TRHDE: variants seen among roughly 807,000 people sequenced by gnomAD.
TRHDE encodes thyrotropin-releasing hormone-degrading ectoenzyme.
A neutral mutation model predicts 125.7 loss-of-function variants in TRHDE; 72 were observed. The observed-to-expected ratio is 0.57, with a 90% CI of 0.47 to 0.70. The LOEUF (loss-of-function observed/expected upper bound fraction) is 0.70. TRHDE is among the 30% of genes least tolerant of loss of function. The pLI is 0.00. For synonymous variants in TRHDE, 509 were observed against 509.1 expected, an observed-to-expected ratio of 1.00 and a Z score of 0.00; for missense variants, 1,110 against 1,327.1, an observed-to-expected ratio of 0.84 and a Z score of 2.54.
At chr12:72,366,696 A>T (rs1306707376) in intron 2 of TRHDE, among the ~76,000 whole-genome samples, 1 of 151,840 alleles carries the variant, frequency 6.6e-6, no homozygotes, top group Non-Finnish European at 1.5e-5. Flanking sequence ...GGGCCCAAAA[A>T]CCCCCATAGT....
At chr12:72,272,149 A>G (rs1001996281), upstream of TRHDE, 1 of 457,232 alleles carries the variant, frequency 2.2e-6, no homozygotes, top group African/African-American at 2.0e-5. The surrounding 1 kb of genome is among the most constrained non-coding windows in gnomAD (Gnocchi z 6.7). Context: ...CACCCAGAGG[A>G]CCGAACGCCG....
At chr12:72,451,858 T>C (rs1408774892) in intron 3 of TRHDE, among the ~76,000 whole-genome samples, 1 of 152,176 alleles carries the variant, frequency 6.6e-6, no homozygotes, top group African/African-American at 2.4e-5. Flanking sequence ...AGATGGCATC[T>C]TGCTCTGTTG....
intron 2 of TRHDE, among the ~76,000 whole-genome samples, chr12:72,234,017 T>C (rs1177076654): frequency 6.6e-6 from 1 of 152,216 alleles, no homozygotes. Context: ...CAGGAGACCA[T>C]TTCTCTAAAG....
intron 3 of TRHDE, among the ~76,000 whole-genome samples, chr12:72,443,467 TTA>T (rs893146800): frequency 3.3e-5 from 5 of 151,840 alleles, no homozygotes; most frequent in South Asian, 2.1e-4. Context: ...AAGCAAGGAC[TTA>T]GATTGAGTAT....
intron 6 of TRHDE, among the ~76,000 whole-genome samples, chr12:72,514,114 C>T (rs572897264): frequency 2.0e-5 from 3 of 152,182 alleles, no homozygotes; most frequent in African/African-American, 7.2e-5. Context: ...TCCCCAGACA[C>T]CATACAGACA....
chr12:72,154,105 G>T (rs1344410915), intron 2 of TRHDE, among the ~76,000 whole-genome samples: 2 of 152,140 alleles, frequency 1.3e-5, no homozygotes, highest in South Asian at 4.1e-4. Context: ...ATATATTTAG[G>T]ATAGTTAGCT....
intron 12 of TRHDE, among the ~76,000 whole-genome samples, chr12:72,596,598 G>T (rs1044941647): frequency 6.6e-6 from 1 of 152,186 alleles, no homozygotes; most frequent in African/African-American, 2.4e-5. Context: ...GGCATGGTCA[G>T]TTCTGGATAG....
chr12:72,492,315 G>A (rs1169988194), intron 5 of TRHDE, among the ~76,000 whole-genome samples: 1 of 151,834 alleles, frequency 6.6e-6, no homozygotes, highest in Admixed American at 6.6e-5. Context: ...GGTAAATCTA[G>A]CTAACTTTCA....
chr12:72,640,076 G>C (rs532898597), intron 15 of TRHDE, among the ~76,000 whole-genome samples: 2 of 152,310 alleles, frequency 1.3e-5, no homozygotes, highest in East Asian at 3.9e-4. Flanking sequence ...AGCAAGCCTG[G>C]GCAATGGTGG....
intron 2 of TRHDE, among the ~76,000 whole-genome samples, chr12:72,366,949 A>G (rs1472235456): frequency 1.3e-5 from 2 of 152,100 alleles, no homozygotes; most frequent in African/African-American, 4.8e-5. Context: ...CATTATATGT[A>G]TCTGTGGTGC....
At chr12:72,570,767 T>C (rs1034343137) in intron 10 of TRHDE, among the ~76,000 whole-genome samples, 8 of 152,154 alleles carry the variant, frequency 5.3e-5, no homozygotes, top group Non-Finnish European at 1.2e-4. Context: ...GGTCCTAATA[T>C]ACAGCTGCAG....
At chr12:72,134,577 T>C (rs1875939038) in intron 2 of TRHDE, among the ~76,000 whole-genome samples, 1 of 151,416 alleles carries the variant, frequency 6.6e-6, no homozygotes, top group African/African-American at 2.4e-5. Flanking sequence ...GTATAGTATA[T>C]TTTTTTTTCT....
chr12:72,104,290 T>C (rs1318226319), intron 1 of TRHDE, among the ~76,000 whole-genome samples: 2 of 152,210 alleles, frequency 1.3e-5, no homozygotes, highest in Non-Finnish European at 2.9e-5. Flanking sequence ...TCCTTCCATG[T>C]GAGGGTCCGA....
chr12:72,399,232 G>C lies in TRHDE; in HGVS notation c.1315+21111G>C, dbSNP rs565935851. ...AAAACTGGTCCCCGAAGCCAAAAAG[G>C]CTGGGAACGTCTGCTTTAAGTATTA... is the stretch of plus-strand genomic sequence containing the variant. On this transcript the variant is annotated intron_variant, in intron 3 of 18. Transcript: ENST00000261180. 6.0e-4 allele frequency among the ~76,000 whole-genome samples: 92 copies of C among 152,342 alleles called. No individual in the cohort carries two copies. The South Asian group carries it at 6.8e-3, about 11-fold the overall frequency.
chr12:72,397,058 T>C (rs928050180), intron 3 of TRHDE, among the ~76,000 whole-genome samples: 8 of 152,224 alleles, frequency 5.3e-5, no homozygotes, highest in Non-Finnish European at 8.8e-5. Context: ...CAATGTGAAA[T>C]TCAAATGCAA....
intron 2 of TRHDE, among the ~76,000 whole-genome samples, chr12:72,300,117 G>A (rs1880447827): frequency 6.6e-6 from 1 of 152,054 alleles, no homozygotes. Flanking sequence ...TTATAACAAG[G>A]AAGTACAAGA....
intron 1 of TRHDE, among the ~76,000 whole-genome samples, chr12:72,274,264 T>C (rs189847616): frequency 6.6e-6 from 1 of 152,234 alleles, no homozygotes; most frequent in Non-Finnish European, 1.5e-5. Context: ...GTTGTTTGTT[T>C]ATGAGTTGCT....
intron 12 of TRHDE, among the ~76,000 whole-genome samples, chr12:72,603,648 C>T (rs968442144): frequency 2.0e-5 from 3 of 152,036 alleles, no homozygotes; most frequent in East Asian, 1.9e-4. Flanking sequence ...CGGCGAGAAA[C>T]GGGGAGGCGG....
chr12:72,326,555 T>C (rs12829431), intron 2 of TRHDE, among the ~76,000 whole-genome samples: 53,032 of 151,972 alleles, frequency 0.35, 9,958 homozygotes, highest in Non-Finnish European at 0.43. Flanking sequence ...ATCCCAGAAC[T>C]TAAAGTAAAA....
Sources: gnomAD v4.1 joint callset for allele counts (sites outside exome capture counted in the v4.1 genomes callset) on GRCh38, gnomAD v4.1.1 for gene constraint, Gnocchi (gnomAD v3.1) non-coding constraint, MANE v1.5 for transcripts, NCBI Gene and HGNC (gene_info 2026-07-23, HGNC 2026-07-21) for gene names.